TTC22: variants seen among roughly 807,000 people sequenced by gnomAD.
TTC22 encodes the protein tetratricopeptide repeat protein 22.
A neutral mutation model predicts 48.2 loss-of-function variants in TTC22; 42 were observed. The ratio of observed to expected loss-of-function variants is 0.87; its 90% CI spans 0.68 to 1.13. The LOEUF is 1.13. Among genes scored for constraint, TTC22 ranks in the 50% most tolerant of loss-of-function variants. The pLI is 0.00. For synonymous variants in TTC22, 345 were observed against 365.5 expected, an observed-to-expected ratio of 0.94 and a Z score of 0.64; for missense variants, 784 against 807.0, an observed-to-expected ratio of 0.97 and a Z score of 0.34.
Position 54,800,867 on chromosome 1 carries a change from G to T in TTC22, c.297C>A (p.Asn99Lys), listed in dbSNP as rs1646430907. 1 of 1,610,368 alleles carries T rather than the reference G, an allele frequency of 6.2e-7. No individual in the cohort carries two copies. ...GTGCCAGATTGGCCCAGGCATTGAG[G>T]TTGCCCGGGTGCTCGTGGGCCACCT... ...FLEVAHEHPG[N>K]LNAWANLAHV... Residue 99 changes from asparagine to lysine, a missense_variant, in exon 1 of 7, where the codon AAC becomes AAA. By Grantham distance (94) the Asn-to-Lys change is moderately conservative (BLOSUM62 0). Coordinates refer to ENST00000371276, the MANE Select transcript of TTC22 (RefSeq NM_001114108.2).
chr1:54,800,537 A>AGGGACCATGGG (rs1279928648), intron 1 of TTC22, 60 bp downstream of exon 1: 2 of 1,344,064 alleles, frequency 1.5e-6, no homozygotes, highest in Non-Finnish European at 1.9e-6. Flanking sequence ...TGCAGACAGA[A>AGGGACCATGGG]GGGACCATGG....
chr1:54,784,399 A>G (rs905024782), intron 5 of TTC22, among the ~76,000 whole-genome samples: 1 of 152,092 alleles, frequency 6.6e-6, no homozygotes, highest in East Asian at 1.9e-4. Context: ...TGGAGGGAGG[A>G]GAGTAAAGTT....
chr1:54,788,809 C>T (rs1646327197), intron 1 of TTC22, among the ~76,000 whole-genome samples: 1 of 152,152 alleles, frequency 6.6e-6, no homozygotes, highest in Admixed American at 6.5e-5. Context: ...GACCCATCAT[C>T]TCTCTACCCC....
chr1:54,786,928 AG>A (rs1212959668), intron 4 of TTC22, 28 bp downstream of exon 4: 1 of 1,211,480 alleles, frequency 8.3e-7, no homozygotes, highest in Non-Finnish European at 1.1e-6. Context: ...TTCTCAGTTT[AG>A]AGGGTGGGTG....
chr1:54,799,061 T>G (rs1202504787), intron 1 of TTC22, among the ~76,000 whole-genome samples: 1 of 152,212 alleles, frequency 6.6e-6, no homozygotes, highest in Non-Finnish European at 1.5e-5. Context: ...AATCCTCAGA[T>G]GATAAATAGG....
intron 5 of TTC22, chr1:54,784,409 T>TG (rs959188843): frequency 3.2e-4 from 102 of 323,276 alleles, no homozygotes; most frequent in African/African-American, 2.2e-3. Flanking sequence ...AGAGTAAAGT[T>TG]GGAGTTTCTG....
intron 1 of TTC22, among the ~76,000 whole-genome samples, chr1:54,790,011 G>T (rs1557774075): frequency 6.6e-6 from 1 of 152,180 alleles, no homozygotes; most frequent in Non-Finnish European, 1.5e-5. Flanking sequence ...GCATAATCAG[G>T]AGGGGCCCCT....
intron 1 of TTC22, among the ~76,000 whole-genome samples, chr1:54,800,379 T>C (rs1216436283): frequency 1.3e-5 from 2 of 152,170 alleles, no homozygotes; most frequent in African/African-American, 4.8e-5. Flanking sequence ...AAAGAGAGGC[T>C]TGGGCAGGCA....
chr1:54,801,214 G>A lies in TTC22; in HGVS notation c.-51C>T. 1.9e-6 allele frequency: 3 copies of A among 1,576,882 alleles called. No homozygotes were observed. The highest frequency in any genetic ancestry group is 2.6e-6 in the Non-Finnish European group (3 of 1,154,544). The stretch of plus-strand genomic sequence containing the variant: ...TCACCCTTGTCCCTGAGGCTGTGGA[G>A]GGCAGTGGATGGGGGCGTTCCCCGA... On this transcript the variant is annotated 5_prime_UTR_variant, in exon 1 of 7. Coordinates refer to ENST00000371276, the MANE Select transcript of TTC22 (RefSeq NM_001114108.2).
At chr1:54,788,344 G>A (rs1231343852) in intron 1 of TTC22, among the ~76,000 whole-genome samples, 1 of 152,068 alleles carries the variant, frequency 6.6e-6, no homozygotes, top group Non-Finnish European at 1.5e-5. Flanking sequence ...CCTAGAGCAG[G>A]TATGGCGAGC....
chr1:54,791,827 A>G (rs572696862), intron 1 of TTC22, among the ~76,000 whole-genome samples: 3 of 152,266 alleles, frequency 2.0e-5, no homozygotes, highest in South Asian at 2.1e-4. Flanking sequence ...ACCACAGTAC[A>G]TGATAGAGCT....
chr1:54,784,975 C>A, intron 5 of TTC22: 1 of 238,670 alleles, frequency 4.2e-6, no homozygotes, highest in Non-Finnish European at 8.9e-6. Flanking sequence ...CAAAAATATG[C>A]CTAATATTAA....
chr1:54,793,010 C>T (rs953710470), intron 1 of TTC22: 4 of 152,144 alleles, frequency 2.6e-5, no homozygotes, highest in African/African-American at 9.7e-5. Flanking sequence ...TGGGAGGAGG[C>T]TCACAGGACT....
intron 5 of TTC22, chr1:54,785,743 G>T (rs1409220140): frequency 2.0e-6 from 1 of 502,614 alleles, no homozygotes; most frequent in East Asian, 3.8e-5. Flanking sequence ...AGCTTAGGAG[G>T]TCTAGGCTGC....
At chr1:54,785,919 G>T (rs1354522078) in intron 5 of TTC22, 64 bp downstream of exon 5, 3 of 1,525,052 alleles carry the variant, frequency 2.0e-6, no homozygotes, top group Non-Finnish European at 2.7e-6. Flanking sequence ...ACAGGGTCTT[G>T]GCCTCTGGCC....
At chr1:54,789,282 C>T (rs1646331595) in intron 1 of TTC22, among the ~76,000 whole-genome samples, 1 of 152,164 alleles carries the variant, frequency 6.6e-6, no homozygotes, top group Admixed American at 6.5e-5. Context: ...CAGGCCACTC[C>T]CAGCTGGGGG....
In TTC22 at chr1:54,781,036, G is replaced by T; in HGVS notation, c.*207C>A. On this transcript the variant is annotated 3_prime_UTR_variant, in exon 7 of 7. Coordinates refer to ENST00000371276, the MANE Select transcript of TTC22 (RefSeq NM_001114108.2). Reference sequence around the variant, plus strand: ...CTCACCTCTGCTCCCAGCCTCTTCTGCTCTCGGGAATCAGGCCTTCCAGTC... The same window carrying T: ...CTCACCTCTGCTCCCAGCCTCTTCTTCTCTCGGGAATCAGGCCTTCCAGTC... 2.5e-6 allele frequency: 1 copy of T among 407,524 alleles called. No homozygotes were observed. The highest frequency in any genetic ancestry group is 4.3e-6 in the Non-Finnish European group (1 of 230,756). 25.2% of individuals were successfully genotyped at this position (407,524 alleles called of 1,614,324 possible). A position where few individuals can be genotyped will look rare whatever the true frequency, so the allele number is the denominator to read the frequency against.
intron 1 of TTC22, among the ~76,000 whole-genome samples, chr1:54,792,438 TCTC>T (rs955731636): frequency 6.6e-6 from 1 of 151,006 alleles, no homozygotes; most frequent in African/African-American, 2.4e-5. Context: ...ACTGTCTCTC[TCTC>T]TTTTTTTTTT....
chr1:54,799,087 ACTCT>A (rs954316833), intron 1 of TTC22, among the ~76,000 whole-genome samples: 65 of 152,276 alleles, frequency 4.3e-4, no homozygotes, highest in African/African-American at 1.5e-3. Context: ...CAAATCCCAA[ACTCT>A]CTCTGGAGGT....
Sources: gnomAD v4.1 joint callset for allele counts (sites outside exome capture counted in the v4.1 genomes callset) on GRCh38, gnomAD v4.1.1 for gene constraint, MANE v1.5 for transcripts, NCBI Gene and HGNC (gene_info 2026-07-23, HGNC 2026-07-21) for gene names.